Variants in SESTD1 observed in about 807,000 individuals in gnomAD.
SESTD1 encodes the protein SEC14 domain and spectrin repeat-containing protein 1.
SESTD1 carries 43 observed loss-of-function variants against 101.7 expected under a neutral mutation model. That is an observed-to-expected ratio of 0.42 (90% CI 0.33 to 0.55). The LOEUF is 0.55. Among genes scored for constraint, SESTD1 ranks in the 20% least tolerant of loss-of-function variants. The probability of loss-of-function intolerance (pLI) is 0.07; values close to 1 mark genes in which losing one functional copy is unlikely to be tolerated. For synonymous variants in SESTD1, 283 were observed against 286.8 expected, an observed-to-expected ratio of 0.99 and a Z score of 0.13; for missense variants, 647 against 815.1, an observed-to-expected ratio of 0.79 and a Z score of 2.51.
At chr2:179,119,958 C>T (rs2044711889) in intron 13 of SESTD1, among the ~76,000 whole-genome samples, 2 of 152,052 alleles carry the variant, frequency 1.3e-5, no homozygotes, top group Admixed American at 6.5e-5. Context: ...CGGCCGGGTG[C>T]GGTGGCTCAC....
At chr2:179,185,246 AG>A (rs2046190993) in intron 2 of SESTD1, among the ~76,000 whole-genome samples, 1 of 151,486 alleles carries the variant, frequency 6.6e-6, no homozygotes, top group African/African-American at 2.4e-5. Context: ...TTCCAGGTAT[AG>A]AAGAGAAAAA....
intron 9 of SESTD1, among the ~76,000 whole-genome samples, chr2:179,135,352 A>G (rs1233589100): frequency 6.6e-6 from 1 of 152,202 alleles, no homozygotes; most frequent in Non-Finnish European, 1.5e-5. Context: ...TGCTTATTCA[A>G]GGTATGTGAT....
At chr2:179,171,704 A>G (rs1298089183) in intron 5 of SESTD1, among the ~76,000 whole-genome samples, 1 of 152,186 alleles carries the variant, frequency 6.6e-6, no homozygotes, top group African/African-American at 2.4e-5. Flanking sequence ...GAAAGAATGG[A>G]TAACTGTGTT....
In SESTD1 at chr2:179,143,735, G is replaced by A; in HGVS notation, c.706C>T (p.Pro236Ser). The change falls in exon 9 of 18, where the codon CCT becomes TCT. Residue 236 changes from proline (P) to serine (S), a missense_variant. Pro to Ser is a moderately conservative substitution (Grantham distance 74). Around this residue, in one of 3 missense-constraint regions of SESTD1, gnomAD observed 476 missense variants for 562.6 expected, o/e 0.85. Transcript: ENST00000428443. ...NGSDGGVSWS[P>S]MDDELLAQPQ... ...TGTGCAAGAAGTTCATCATCCATAG[G>A]AGACCATGAAACCCCTCCGTCTGAG... 1 of 1,613,908 alleles carries A rather than the reference G, an allele frequency of 6.2e-7. No homozygotes were observed. The highest frequency in any genetic ancestry group is 8.5e-7 in the Non-Finnish European group (1 of 1,179,926).
At chr2:179,225,256 G>A (rs12987285) in intron 1 of SESTD1, among the ~76,000 whole-genome samples, 41,124 of 151,946 alleles carry the variant, frequency 0.27, 5,971 homozygotes, top group South Asian at 0.39. Flanking sequence ...GTCAGAGATG[G>A]AAAAAACAAC....
chr2:179,209,290 C>T (rs2046623593), intron 1 of SESTD1, among the ~76,000 whole-genome samples: 2 of 134,138 alleles, frequency 1.5e-5, no homozygotes, highest in Admixed American at 1.4e-4. Flanking sequence ...ATACAATACT[C>T]TCCTGACAGC....
intron 5 of SESTD1, among the ~76,000 whole-genome samples, chr2:179,164,363 T>C (rs573830842): frequency 1.3e-5 from 2 of 152,304 alleles, no homozygotes; most frequent in Admixed American, 1.3e-4. Flanking sequence ...GAATGGGTGC[T>C]GGTTAACATT....
chr2:179,257,282 C>A (rs1017165560), intron 1 of SESTD1, among the ~76,000 whole-genome samples: 2 of 152,118 alleles, frequency 1.3e-5, no homozygotes, highest in African/African-American at 4.8e-5. Context: ...AAGCAACAAC[C>A]ATCCTGATCA....
At position 179,197,567 on chromosome 2, in the gene SESTD1, G is replaced by A. The variant is rs561596967; in HGVS notation, c.-25-5701C>T. ...TTAAGGGCAGCCAGAGAGAAAGGTC[G>A]GGTTACCCTCAAAGGGAAGCCCATC... On this transcript the variant is annotated intron_variant, in intron 1 of 17. Transcript: ENST00000428443. Among the ~76,000 whole-genome samples, 42 of 152,196 alleles carry A rather than the reference G, an allele frequency of 2.8e-4. No individual in the cohort carries two copies. The East Asian group carries it at 6.4e-3, about 23-fold the overall frequency.
chr2:179,257,384 A>G (rs1240417568), intron 1 of SESTD1, among the ~76,000 whole-genome samples: 2 of 152,242 alleles, frequency 1.3e-5, no homozygotes, highest in African/African-American at 4.8e-5. Context: ...TAAGCAATAA[A>G]GTATTTTTAA....
chr2:179,218,335 G>A (rs2046755189), intron 1 of SESTD1, among the ~76,000 whole-genome samples: 1 of 151,782 alleles, frequency 6.6e-6, no homozygotes, highest in African/African-American at 2.4e-5. Flanking sequence ...GCTAAGAAAT[G>A]AAAGAATTAA....
intron 1 of SESTD1, among the ~76,000 whole-genome samples, chr2:179,197,308 G>A (rs866700245): frequency 2.0e-5 from 3 of 152,024 alleles, no homozygotes; most frequent in African/African-American, 4.8e-5. Flanking sequence ...ATGGGACTAC[G>A]TGAAAAGACC....
intron 10 of SESTD1, among the ~76,000 whole-genome samples, chr2:179,126,178 C>T (rs75601525): frequency 6.6e-6 from 1 of 152,260 alleles, no homozygotes; most frequent in African/African-American, 2.4e-5. Context: ...TCTGTATTTA[C>T]TCTTTTCTCA....
intron 1 of SESTD1, among the ~76,000 whole-genome samples, chr2:179,241,428 T>C (rs551397969): frequency 1.7e-3 from 260 of 152,182 alleles, no homozygotes; most frequent in South Asian, 0.016. Flanking sequence ...AATTAAACTT[T>C]TGAAAACTAA....
At chr2:179,207,402 C>T (rs556219615) in intron 1 of SESTD1, among the ~76,000 whole-genome samples, 1 of 135,768 alleles carries the variant, frequency 7.4e-6, no homozygotes, top group East Asian at 2.0e-4. Flanking sequence ...CACATGACAA[C>T]TTCACTACCA....
At chr2:179,231,665 A>G (rs1299533815) in intron 1 of SESTD1, among the ~76,000 whole-genome samples, 2 of 151,564 alleles carry the variant, frequency 1.3e-5, no homozygotes, top group East Asian at 1.9e-4. Context: ...ATTAAAAAAT[A>G]CCTAATAAAT....
At chr2:179,170,394 A>AT (rs1015553374) in intron 5 of SESTD1, among the ~76,000 whole-genome samples, 3 of 152,008 alleles carry the variant, frequency 2.0e-5, no homozygotes, top group African/African-American at 4.8e-5. Flanking sequence ...AAAAGACCTT[A>AT]TTTTTTTTAA....
chr2:179,225,255 G>A (rs1363021877), intron 1 of SESTD1, among the ~76,000 whole-genome samples: 5 of 151,962 alleles, frequency 3.3e-5, no homozygotes, highest in African/African-American at 1.2e-4. Context: ...TGTCAGAGAT[G>A]GAAAAAACAA....
chr2:179,227,437 A>G (rs1295210061), intron 1 of SESTD1, among the ~76,000 whole-genome samples: 1 of 152,168 alleles, frequency 6.6e-6, no homozygotes, highest in Non-Finnish European at 1.5e-5. Flanking sequence ...AAATTTTGGG[A>G]TTCCTCTGGA....
Sources: allele counts gnomAD v4.1 joint callset (sites outside exome capture counted in the v4.1 genomes callset), GRCh38; gene constraint gnomAD v4.1.1; regional missense constraint gnomAD v4.1.1; transcripts MANE v1.5; gene names NCBI Gene and HGNC (gene_info 2026-07-23, HGNC 2026-07-21).